The following VMP1 variants were observed in gnomAD, a reference collection of about 807,000 sequenced individuals.
The protein encoded by VMP1 is ectopic P-granules autophagy protein 3 homolog.
A neutral mutation model predicts 56.0 loss-of-function variants in VMP1; 11 were observed. That is an observed-to-expected ratio of 0.20 (90% CI 0.12 to 0.32). The LOEUF (loss-of-function observed/expected upper bound fraction) is 0.32, where lower values mean the gene tolerates loss of function less well. Ranked by LOEUF, VMP1 falls within the 10% of genes least tolerant of loss-of-function variation. The pLI is 1.00. For missense variants in VMP1, 296 were observed against 490.3 expected, an observed-to-expected ratio of 0.60 and a Z score of 3.74; for synonymous variants, 149 against 165.0, an observed-to-expected ratio of 0.90 and a Z score of 0.74.
At chr17:59,726,653 G>A (rs2034618260) in intron 1 of VMP1, among the ~76,000 whole-genome samples, 1 of 152,184 alleles carries the variant, frequency 6.6e-6, no homozygotes, top group African/African-American at 2.4e-5. Flanking sequence ...TAAATGACTG[G>A]CAGATGGAAA....
intron 1 of VMP1, among the ~76,000 whole-genome samples, chr17:59,723,177 T>C (rs2034465448): frequency 6.6e-6 from 1 of 152,230 alleles, no homozygotes; most frequent in Non-Finnish European, 1.5e-5. Context: ...CTAAAGTTCC[T>C]TCTGTGATTC....
At chr17:59,728,771 T>C (rs1297846766) in intron 1 of VMP1, among the ~76,000 whole-genome samples, 1 of 152,206 alleles carries the variant, frequency 6.6e-6, no homozygotes, top group African/African-American at 2.4e-5. Context: ...ATTTGGAAGT[T>C]TGGATAGTTC....
intron 1 of VMP1, among the ~76,000 whole-genome samples, chr17:59,717,074 G>C (rs1026023353): frequency 6.6e-6 from 1 of 151,954 alleles, no homozygotes; most frequent in Non-Finnish European, 1.5e-5. Context: ...CCGCCTCCCG[G>C]GTTCACGCCA....
Position 59,790,246 on chromosome 17 carries a change from C to T in VMP1, c.714+16361C>T, listed in dbSNP as rs868728232. On this transcript the variant is annotated intron_variant, in intron 7 of 11. Coordinates refer to ENST00000262291, the MANE Select transcript of VMP1 (RefSeq NM_030938.5). ...TCTTACAACTTCAAAATATGACTAT[C>T]ATGCTTTTAAACTAAGGCCCTATGA... 1.8e-4 allele frequency among the ~76,000 whole-genome samples: 28 copies of T among 152,284 alleles called. No homozygotes were observed. In the Middle Eastern group the frequency reaches 0.01, roughly 55 times the overall value.
At chr17:59,794,956 T>C (rs2037381604) in intron 7 of VMP1, among the ~76,000 whole-genome samples, 2 of 151,674 alleles carry the variant, frequency 1.3e-5, no homozygotes, top group African/African-American at 4.8e-5. Flanking sequence ...GTTGAAGGAT[T>C]TGGTAAACTA....
At chr17:59,817,375 A>C (rs2038280811) in intron 9 of VMP1, among the ~76,000 whole-genome samples, 1 of 131,108 alleles carries the variant, frequency 7.6e-6, no homozygotes, top group Non-Finnish European at 1.7e-5. Flanking sequence ...TTTGATATGG[A>C]GTCTCCTCAC....
At chr17:59,733,987 C>T (rs972263901) in intron 2 of VMP1, among the ~76,000 whole-genome samples, 1 of 152,162 alleles carries the variant, frequency 6.6e-6, no homozygotes, top group African/African-American at 2.4e-5. Context: ...ACCATTTTTG[C>T]GATCTAAACC....
intron 10 of VMP1, among the ~76,000 whole-genome samples, chr17:59,825,106 AG>A (rs2038602800): frequency 2.1e-5 from 1 of 47,076 alleles, no homozygotes; most frequent in Non-Finnish European, 4.1e-5. Context: ...TTTTTTTTTG[AG>A]ACAGAGTTTT....
At chr17:59,767,743 G>A in intron 6 of VMP1, among the ~76,000 whole-genome samples, 1 of 151,984 alleles carries the variant, frequency 6.6e-6, no homozygotes, top group Non-Finnish European at 1.5e-5. Context: ...TGGCTGGTAT[G>A]GTGGCTTTCT....
chr17:59,778,588 A>G (rs966735479), intron 7 of VMP1, among the ~76,000 whole-genome samples: 1 of 151,908 alleles, frequency 6.6e-6, no homozygotes, highest in Non-Finnish European at 1.5e-5. Context: ...AGTGGAAGCT[A>G]TGTGCGTACA....
At chr17:59,768,857 G>T (rs963161923) in intron 6 of VMP1, among the ~76,000 whole-genome samples, 8 of 151,642 alleles carry the variant, frequency 5.3e-5, no homozygotes, top group Non-Finnish European at 1.0e-4. Context: ...ATGATGACAG[G>T]CCCCTGTAGT....
Position 59,818,145 on chromosome 17 carries a change from T to G in VMP1, c.974+372T>G, listed in dbSNP as rs545514684. On this transcript the variant is annotated intron_variant, in intron 10 of 11. Transcript: ENST00000262291. ...ACAATGCTGTGATTTTTGGCCAAAC[T>G]AGATGCCAGATACACAGCTGCATTT... Among the ~76,000 whole-genome samples, 16 of 152,296 alleles carry G rather than the reference T, an allele frequency of 1.1e-4. No homozygotes were observed. The South Asian group carries it at 3.3e-3, about 32-fold the overall frequency.
rs2144296305 is a variant in VMP1 at position 59,825,301 on chromosome 17, T to C, written c.974+7528T>C. Among the ~76,000 whole-genome samples, 2 of 151,776 alleles carry C rather than the reference T, an allele frequency of 1.3e-5. 1 individual carries two copies. The highest frequency in any genetic ancestry group is 3.9e-4 in the East Asian group (2 of 5,088). On this transcript the variant is annotated intron_variant, in intron 10 of 11. Transcript: ENST00000262291. ...GTTGGCTAGGCTGGTCTCAAACTCCTGACCTCATGATCCACCCGCCTTGGC... is the reference window on the plus strand; with the variant it reads ...GTTGGCTAGGCTGGTCTCAAACTCCCGACCTCATGATCCACCCGCCTTGGC...
chr17:59,796,585 A>AT (rs2037446050), intron 7 of VMP1, among the ~76,000 whole-genome samples: 1 of 152,240 alleles, frequency 6.6e-6, no homozygotes, highest in Admixed American at 6.5e-5. Flanking sequence ...CAAAAAGTAC[A>AT]TTTTTTTCTA....
intron 9 of VMP1, 119 bp downstream of exon 9, chr17:59,811,905 A>G: frequency 1.4e-6 from 1 of 720,764 alleles, no homozygotes; most frequent in Non-Finnish European, 2.4e-6. Context: ...TTGGTAGCTT[A>G]CTTAGGTAAT....
chr17:59,733,422 G>A (rs977247588), intron 2 of VMP1, among the ~76,000 whole-genome samples: 3 of 152,016 alleles, frequency 2.0e-5, no homozygotes, highest in African/African-American at 7.2e-5. Flanking sequence ...TTTGTGCTGG[G>A]CGTGGTGGCT....
chr17:59,744,580 A>G (rs186940262), intron 5 of VMP1, among the ~76,000 whole-genome samples: 239 of 151,030 alleles, frequency 1.6e-3, no homozygotes, highest in Middle Eastern at 3.4e-3. Context: ...GCTTGAGACC[A>G]GGAGTTCAAG....
chr17:59,768,096 C>T (rs1340313091), intron 6 of VMP1, among the ~76,000 whole-genome samples: 2 of 147,878 alleles, frequency 1.4e-5, no homozygotes, highest in Non-Finnish European at 3.0e-5. Flanking sequence ...TGCAACACAG[C>T]GAGACTCCAT....
In VMP1 at chr17:59,839,761, T is replaced by C; in HGVS notation, c.1078-7T>C. On this transcript the variant is annotated splice_polypyrimidine_tract_variant and splice_region_variant and intron_variant, in intron 11 of 11. Transcript: ENST00000262291. The stretch of plus-strand genomic sequence containing the variant: ...TTCATTGCATTGTTCTGCATTTATT[T>C]CTACAGGGAGAAAACTGGTTGTCCT... 1 of 1,606,168 alleles carries C rather than the reference T, an allele frequency of 6.2e-7. No homozygotes were observed.
Sources: allele counts gnomAD v4.1 joint callset (sites outside exome capture counted in the v4.1 genomes callset), GRCh38; gene constraint gnomAD v4.1.1; transcripts MANE v1.5; gene names NCBI Gene and HGNC (gene_info 2026-07-23, HGNC 2026-07-21).